Variants in GALNT13 observed in about 807,000 individuals in gnomAD.
The protein encoded by GALNT13 is polypeptide N-acetylgalactosaminyltransferase 13.
GALNT13 carries 28 observed loss-of-function variants against 64.2 expected under a neutral mutation model. The ratio of observed to expected loss-of-function variants is 0.44; its 90% confidence interval spans 0.32 to 0.60. GALNT13 has a LOEUF of 0.60. Among genes scored for constraint, GALNT13 ranks in the 20% least tolerant of loss-of-function variants. GALNT13 has a pLI of 0.05. For synonymous variants in GALNT13, 214 were observed against 224.6 expected, an observed-to-expected ratio of 0.95 and a Z score of 0.42; for missense variants, 577 against 669.8, an observed-to-expected ratio of 0.86 and a Z score of 1.53.
At chr2:153,345,633 CTTTTTCTT>C in the GALNT13 span, among the ~76,000 whole-genome samples, 4 of 111,762 alleles carry the variant, frequency 3.6e-5, no homozygotes, top group Non-Finnish European at 8.0e-5. Flanking sequence ...CTTTTCCTTT[CTTTTTCTT>C]TCTTTCTTTC....
At chr2:154,429,565 G>A (rs536613206) in intron 11 of GALNT13, among the ~76,000 whole-genome samples, 8 of 152,256 alleles carry the variant, frequency 5.3e-5, no homozygotes, top group African/African-American at 4.8e-5. Context: ...AACATAAAAG[G>A]GCAAGGTGAA....
At chr2:153,512,505 CCTAA>C in the GALNT13 span, among the ~76,000 whole-genome samples, 15 of 152,008 alleles carry the variant, frequency 9.9e-5, no homozygotes, top group Middle Eastern at 3.2e-3. Context: ...AGCTCTGGAG[CCTAA>C]CTGTTTATAT....
the GALNT13 span, among the ~76,000 whole-genome samples, chr2:153,136,047 C>G: frequency 4.6e-5 from 7 of 152,028 alleles, no homozygotes; most frequent in Non-Finnish European, 7.4e-5. Context: ...TCCCTAGAAA[C>G]TTCTCTCTTA....
At chr2:154,128,454 T>G (rs1682420201) in intron 3 of GALNT13, among the ~76,000 whole-genome samples, 1 of 152,132 alleles carries the variant, frequency 6.6e-6, no homozygotes, top group East Asian at 1.9e-4. Flanking sequence ...AGTATCCTGG[T>G]TCTTTTTATT....
At chr2:153,301,179 G>A in the GALNT13 span, among the ~76,000 whole-genome samples, 19,753 of 151,608 alleles carry the variant, frequency 0.13, 1,515 homozygotes, top group Non-Finnish European at 0.17. Flanking sequence ...CTGAGCGACC[G>A]GAGTGAGACC....
chr2:154,353,451 A>G (rs1168121905), intron 9 of GALNT13, among the ~76,000 whole-genome samples: 1 of 152,162 alleles, frequency 6.6e-6, no homozygotes, highest in Non-Finnish European at 1.5e-5. Context: ...AAATCTAGGT[A>G]TTTAAGAAAG....
intron 1 of GALNT13, among the ~76,000 whole-genome samples, chr2:153,893,417 A>G (rs975998056): frequency 2.6e-5 from 4 of 151,976 alleles, no homozygotes; most frequent in Non-Finnish European, 5.9e-5. Flanking sequence ...TTATAACATG[A>G]TATGTATTTT....
At chr2:154,076,920 T>C (rs1265408894) in intron 3 of GALNT13, among the ~76,000 whole-genome samples, 1 of 151,676 alleles carries the variant, frequency 6.6e-6, no homozygotes. Flanking sequence ...TTTGCTATAT[T>C]CTGTAAGTGA....
chr2:154,110,402 CAG>C (rs1702919190), intron 3 of GALNT13, among the ~76,000 whole-genome samples: 3 of 56,162 alleles, frequency 5.3e-5, no homozygotes, highest in South Asian at 6.6e-4. Flanking sequence ...GAGAGAGAGA[CAG>C]AGAGAGAGAG....
chr2:154,041,892 C>T (rs1265415722), intron 3 of GALNT13, among the ~76,000 whole-genome samples: 2 of 139,822 alleles, frequency 1.4e-5, no homozygotes, highest in East Asian at 2.0e-4. Flanking sequence ...CAATCTGTTA[C>T]ACCAACCAAA....
the GALNT13 span, among the ~76,000 whole-genome samples, chr2:153,453,484 AGAC>A: frequency 1.3e-5 from 2 of 152,228 alleles, no homozygotes; most frequent in African/African-American, 4.8e-5. Context: ...TATCAAAAGA[AGAC>A]ATATGAGCAG....
intron 4 of GALNT13, among the ~76,000 whole-genome samples, chr2:154,141,343 AT>A (rs1321009837): frequency 6.6e-6 from 1 of 152,106 alleles, no homozygotes; most frequent in Non-Finnish European, 1.5e-5. Flanking sequence ...AAAGTCTTGA[AT>A]TTTTTTCACT....
At chr2:154,372,824 G>GA (rs1242932538) in intron 9 of GALNT13, among the ~76,000 whole-genome samples, 4 of 151,032 alleles carry the variant, frequency 2.6e-5, no homozygotes, top group African/African-American at 9.7e-5. Flanking sequence ...CTCTATATTT[G>GA]AAAAAAAATC....
the GALNT13 span, among the ~76,000 whole-genome samples, chr2:153,148,478 C>CTTTTTTTT: frequency 7.4e-6 from 1 of 135,666 alleles, no homozygotes. Context: ...TCCATTTTTT[C>CTTTTTTTT]TTTTTTTTTT....
chr2:153,625,732 C>CTT, the GALNT13 span, among the ~76,000 whole-genome samples: 2 of 149,382 alleles, frequency 1.3e-5, no homozygotes, highest in African/African-American at 2.4e-5. Context: ...TCTCAGTCTT[C>CTT]TTTTTTTTTT....
the GALNT13 span, among the ~76,000 whole-genome samples, chr2:153,439,870 C>G: frequency 6.6e-6 from 1 of 152,184 alleles, no homozygotes; most frequent in Non-Finnish European, 1.5e-5. Context: ...AACCCGGTAC[C>G]TCAGTTGGAA....
At chr2:153,979,322 A>G (rs929255801) in intron 3 of GALNT13, among the ~76,000 whole-genome samples, 1 of 152,158 alleles carries the variant, frequency 6.6e-6, no homozygotes, top group Non-Finnish European at 1.5e-5. Flanking sequence ...GCTGAGGGGC[A>G]CAGGATCAAA....
At chr2:153,425,783 T>C in the GALNT13 span, among the ~76,000 whole-genome samples, 1 of 151,908 alleles carries the variant, frequency 6.6e-6, no homozygotes, top group Non-Finnish European at 1.5e-5. Flanking sequence ...ATTTTTATTA[T>C]TTAAAATGTT....
the GALNT13 span, among the ~76,000 whole-genome samples, chr2:153,222,129 G>T: frequency 1.3e-5 from 2 of 152,088 alleles, no homozygotes; most frequent in African/African-American, 4.8e-5. Context: ...CAACTGGAGG[G>T]TGAGCCAGGC....
Sources: allele counts gnomAD v4.1 joint callset (sites outside exome capture counted in the v4.1 genomes callset), GRCh38; gene constraint gnomAD v4.1.1; transcripts MANE v1.5; gene names NCBI Gene and HGNC (gene_info 2026-07-23, HGNC 2026-07-21).